SHISA6: variants seen among roughly 807,000 people sequenced by gnomAD.
SHISA6 encodes protein shisa-6.
Under a neutral mutation model 47.9 loss-of-function variants are expected in SHISA6, and 22 were observed. The observed-to-expected ratio is 0.46, with a 90% confidence interval of 0.33 to 0.66. SHISA6 has a LOEUF of 0.66. SHISA6 is among the 30% of genes least tolerant of loss of function. The probability of loss-of-function intolerance (pLI) is 0.02; values close to 1 mark genes in which losing one functional copy is unlikely to be tolerated. For missense variants in SHISA6, 680 were observed against 764.6 expected (o/e 0.89, Z 1.30); for synonymous variants, 388 against 337.8 (o/e 1.15, Z -1.63).
chr17:11,410,195 G>T (rs1914076851), intron 3 of SHISA6, among the ~76,000 whole-genome samples: 1 of 152,172 alleles, frequency 6.6e-6, no homozygotes, highest in Admixed American at 6.5e-5. Context: ...ACTAAAGCTA[G>T]AAGTAATAAT....
chr17:11,294,813 C>T (rs1254588585), intron 2 of SHISA6, among the ~76,000 whole-genome samples: 2 of 152,262 alleles, frequency 1.3e-5, no homozygotes, highest in Middle Eastern at 6.8e-3. Context: ...ACATTAGCAA[C>T]CTCAGCCTAT....
At chr17:11,488,758 C>T (rs1286858583) in intron 3 of SHISA6, among the ~76,000 whole-genome samples, 3 of 152,282 alleles carry the variant, frequency 2.0e-5, no homozygotes, top group Admixed American at 6.5e-5. Context: ...AGGGCTAATG[C>T]TCATTGGTTC....
At chr17:11,552,638 A>G (rs2071941183) in intron 4 of SHISA6, among the ~76,000 whole-genome samples, 1 of 152,206 alleles carries the variant, frequency 6.6e-6, no homozygotes, top group South Asian at 2.1e-4. Context: ...ACATCATTAA[A>G]ATTTTAGTGA....
Position 11,436,138 on chromosome 17 carries a change from G to C in SHISA6, c.895+56629G>C, listed in dbSNP as rs192329212. The stretch of plus-strand genomic sequence containing the variant: ...TTCCAGGGGGAAAGAATCCTCTTGG[G>C]TCTGGGCCCTCTCTTTCTTTCTCTG... On this transcript the variant is annotated intron_variant, in intron 3 of 5. Transcript: ENST00000441885. Among the ~76,000 whole-genome samples the C allele has an allele frequency of 3.9e-5, 6 of 152,236 alleles. No individual in the cohort carries two copies. The East Asian group carries it at 1.2e-3, about 29-fold the overall frequency.
At chr17:11,346,079 A>G (rs1173210985) in intron 2 of SHISA6, among the ~76,000 whole-genome samples, 1 of 152,122 alleles carries the variant, frequency 6.6e-6, no homozygotes, top group Non-Finnish European at 1.5e-5. Context: ...AATGTTAGCT[A>G]TGGATTTTTC....
At chr17:11,553,810 T>G (rs983768528) in intron 4 of SHISA6, among the ~76,000 whole-genome samples, 3 of 152,164 alleles carry the variant, frequency 2.0e-5, no homozygotes, top group Admixed American at 1.3e-4. Flanking sequence ...TGTTAGATAC[T>G]AAAGTGGGTG....
intron 3 of SHISA6, chr17:11,380,141 G>A (rs1447079669): frequency 6.6e-6 from 1 of 152,240 alleles, no homozygotes; most frequent in Non-Finnish European, 1.5e-5. Context: ...GTTTAAACAA[G>A]GTCCTACGAG....
chr17:11,558,267 C>A lies in SHISA6; in HGVS notation c.1619C>A (p.Thr540Asn), dbSNP rs1405545126. ...CTGCACTACATCCCGGGCCACCACACCTGCTACACAGCCAGCAAGACCGAA... is the reference window on the plus strand; with the variant it reads ...CTGCACTACATCCCGGGCCACCACAACTGCTACACAGCCAGCAAGACCGAA... ...EQLHYIPGHH[T>N]CYTASKTEVT... The change falls in exon 6 of 6, where the codon ACC becomes AAC. Residue 540 changes from threonine (T) to asparagine (N), a missense_variant. Coordinates refer to ENST00000441885, the MANE Select transcript of SHISA6 (RefSeq NM_207386.4). 2.3e-5 allele frequency: 36 copies of A among 1,539,436 alleles called. No homozygotes were observed. The highest frequency in any genetic ancestry group is 3.0e-5 in the Non-Finnish European group (34 of 1,146,950).
chr17:11,382,781 A>G (rs1393955118), intron 3 of SHISA6, among the ~76,000 whole-genome samples: 1 of 152,118 alleles, frequency 6.6e-6, no homozygotes, highest in Non-Finnish European at 1.5e-5. Context: ...GCAAGGTAAT[A>G]CCATTGCCCT....
At chr17:11,503,719 G>T (rs1168938939) in intron 3 of SHISA6, among the ~76,000 whole-genome samples, 12 of 152,182 alleles carry the variant, frequency 7.9e-5, no homozygotes, top group Admixed American at 7.2e-4. Context: ...AACACAAATG[G>T]CTGGATTTTC....
chr17:11,546,398 T>C (rs2071884147), intron 3 of SHISA6, among the ~76,000 whole-genome samples: 1 of 152,152 alleles, frequency 6.6e-6, no homozygotes. Context: ...GACCATTCTA[T>C]GAGAATGAGG....
intron 3 of SHISA6, among the ~76,000 whole-genome samples, chr17:11,537,844 A>G (rs1433297987): frequency 6.6e-6 from 1 of 152,266 alleles, no homozygotes. Flanking sequence ...CATTCAATGT[A>G]TAAATAGTTG....
chr17:11,344,460 T>G (rs931558348), intron 2 of SHISA6, among the ~76,000 whole-genome samples: 5 of 152,320 alleles, frequency 3.3e-5, no homozygotes, highest in African/African-American at 1.2e-4. Flanking sequence ...TATTTTTAGC[T>G]TTTATATTTT....
intron 3 of SHISA6, among the ~76,000 whole-genome samples, chr17:11,385,974 A>T (rs1302316730): frequency 1.4e-5 from 2 of 146,714 alleles, no homozygotes; most frequent in Non-Finnish European, 3.0e-5. Context: ...TGGCAAGAAC[A>T]GTTTGGGGGT....
chr17:11,400,564 C>A (rs1376448459), intron 3 of SHISA6, among the ~76,000 whole-genome samples: 2 of 152,202 alleles, frequency 1.3e-5, no homozygotes, highest in African/African-American at 4.8e-5. Flanking sequence ...TCACTGGAAT[C>A]CCTGCCTCCA....
chr17:11,350,178 A>ATTTTTTTTTTTTTTT (rs199879665), intron 2 of SHISA6, among the ~76,000 whole-genome samples: 18 of 101,144 alleles, frequency 1.8e-4, no homozygotes, highest in African/African-American at 6.2e-4. Context: ...TTATTTATTT[A>ATTTTTTTTTTTTTTT]TTTATTTTTT....
In SHISA6 at chr17:11,263,526, G is replaced by C. The variant is rs773871530; in HGVS notation, c.799G>C (p.Gly267Arg). ...TPVRTAKQTP[G>R]HYGKDAYRSG... is the part of the protein sequence containing the mutation. ...TGTGCGTACGGCCAAGCAGACTCCA[G>C]GTAAGTAACAGCTGGGCACCTTGAT... Residue 267 changes from glycine (G) to arginine (R), a missense_variant and splice_region_variant, in exon 2 of 6, where the codon GGG becomes CGG. By Grantham distance (125) the Gly-to-Arg change is moderately radical (BLOSUM62 -2). Around this residue, in one of 2 missense-constraint regions of SHISA6, gnomAD observed 559 missense variants for 674.1 expected, o/e 0.83. Coordinates refer to ENST00000441885, the MANE Select transcript of SHISA6 (RefSeq NM_207386.4). 1 of 1,551,638 alleles carries C rather than the reference G, an allele frequency of 6.4e-7. No homozygotes were observed. The highest frequency in any genetic ancestry group is 1.2e-5 in the South Asian group (1 of 84,054).
At chr17:11,363,444 T>C (rs572905094) in intron 2 of SHISA6, among the ~76,000 whole-genome samples, 1 of 152,306 alleles carries the variant, frequency 6.6e-6, no homozygotes, top group East Asian at 1.9e-4. Context: ...ACTTTCTTTT[T>C]CCAGATTTGT....
chr17:11,363,021 A>G (rs1912337646), intron 2 of SHISA6, among the ~76,000 whole-genome samples: 1 of 152,158 alleles, frequency 6.6e-6, no homozygotes, highest in Non-Finnish European at 1.5e-5. Flanking sequence ...GCCTCCTAGC[A>G]TGTCCAGTCC....
Sources: allele counts gnomAD v4.1 joint callset (sites outside exome capture counted in the v4.1 genomes callset), GRCh38; gene constraint gnomAD v4.1.1; regional missense constraint gnomAD v4.1.1; transcripts MANE v1.5; gene names NCBI Gene and HGNC (gene_info 2026-07-23, HGNC 2026-07-21).